ABCA3: variants seen among roughly 807,000 people sequenced by gnomAD.
ABCA3 encodes the protein phospholipid-transporting ATPase ABCA3.
ABCA3 carries 88 observed loss-of-function variants against 172.8 expected under a neutral mutation model. The observed-to-expected ratio is 0.51, with a 90% CI of 0.43 to 0.61. The LOEUF (loss-of-function observed/expected upper bound fraction) is 0.61. ABCA3 is among the 20% of genes least tolerant of loss of function. The pLI is 0.00. For missense variants in ABCA3, 2,164 were observed against 2,301.0 expected (o/e 0.94, Z 1.22); for synonymous variants, 1,066 against 983.8 (o/e 1.08, Z -1.56).
At position 2,279,725 on chromosome 16, in the gene ABCA3, G is replaced by A. The variant is rs1420867758; in HGVS notation, c.4360-595C>T. On this transcript the variant is annotated intron_variant, in intron 28 of 32. Transcript: ENST00000301732. The surrounding 1 kb of genome is among the most constrained non-coding windows in gnomAD (Gnocchi z 4.4). Reference sequence around the variant, plus strand: ...TTTTTCTTTACCTTCCTTCTTTGGGGTTCTCAAGCTTCCAGAATTTTTTTT... The same window carrying A: ...TTTTTCTTTACCTTCCTTCTTTGGGATTCTCAAGCTTCCAGAATTTTTTTT... 6.6e-6 allele frequency among the ~76,000 whole-genome samples: 1 copy of A among 151,650 alleles called. No homozygotes were observed. Among genetic ancestry groups the A allele is most frequent in the Non-Finnish European group, 1.5e-5 (1 of 67,944 alleles).
chr16:2,289,399 T>TC, intron 20 of ABCA3, 35 bp downstream of exon 20: 210 of 1,544,148 alleles, frequency 1.4e-4, no homozygotes, highest in Middle Eastern at 2.1e-4. Context: ...TGCTCGCCCT[T>TC]CCCCCGCCAC....
rs142333925 is a variant in ABCA3, at chr16:2,306,969, T to C, written c.1285+1481A>G. Reference sequence around the variant, plus strand: ...GGCGGAGCTTGCAGTGAGCCGAGATTGCGCCACTGCCCTCCAGCCTGGGTG... The same window carrying C: ...GGCGGAGCTTGCAGTGAGCCGAGATCGCGCCACTGCCCTCCAGCCTGGGTG... On this transcript the variant is annotated intron_variant, in intron 11 of 32. Coordinates refer to ENST00000301732, the MANE Select transcript of ABCA3 (RefSeq NM_001089.3). 3.9e-3 allele frequency among the ~76,000 whole-genome samples: 527 copies of C among 136,718 alleles called. 4 individuals are homozygous for C. The highest frequency in any genetic ancestry group is 4.6e-3 in the Non-Finnish European group (301 of 65,830). 89.7% of individuals were successfully genotyped at this position (136,718 alleles called of 152,430 possible).
intron 6 of ABCA3, among the ~76,000 whole-genome samples, chr16:2,323,959 G>C (rs1402434728): frequency 6.6e-6 from 1 of 152,162 alleles, no homozygotes; most frequent in Non-Finnish European, 1.5e-5. Context: ...AGGATCCCTG[G>C]AGGGCCGCCA....
chr16:2,288,285 C>T lies in ABCA3; in HGVS notation c.2745G>A (p.Lys915=). ...TCCACTCGCGCCAGCTGTATGCGGC[C>T]TTCTTCAGGAACATGGCCCAGAATT... The part of the protein sequence containing the change: ...CQQFWAMFLK[K]AAYSWREWKM... Residue 915 remains lysine, a synonymous_variant, in exon 21 of 33, where the codon AAG becomes AAA. Transcript: ENST00000301732. The T allele has an allele frequency of 6.3e-7, 1 of 1,579,444 alleles. No individual in the cohort carries two copies. The highest frequency in any genetic ancestry group is 1.3e-5 in the African/African-American group (1 of 74,542).
chr16:2,316,812 A>C (rs1016854394), intron 10 of ABCA3, among the ~76,000 whole-genome samples: 4 of 152,204 alleles, frequency 2.6e-5, no homozygotes, highest in Non-Finnish European at 5.9e-5. Context: ...CAAGTGAAAC[A>C]TTAAAGGTAA....
chr16:2,324,514 C>G lies in ABCA3; in HGVS notation c.337G>C (p.Glu113Gln). 6.2e-7 allele frequency: 1 copy of G among 1,610,490 alleles called. No homozygotes were observed. The highest frequency in any genetic ancestry group is 8.5e-7 in the Non-Finnish European group (1 of 1,179,968). The change falls in exon 6 of 33, where the codon GAG becomes CAG. Residue 113 changes from glutamate to glutamine, a missense_variant. Around this residue, in one of 3 missense-constraint regions of ABCA3, gnomAD observed 1,343 missense variants for 1,369.6 expected, o/e 0.98. Coordinates refer to ENST00000301732, the MANE Select transcript of ABCA3 (RefSeq NM_001089.3). ...INMRVRGFPS[E>Q]KDFEDYIRYD... ...CTAATGTAGTCCTCAAAGTCCTTCT[C>G]GGAGGGAAAGCCGCGCACTGCAAAG...
In ABCA3 at chr16:2,299,413, G is replaced by A. The variant is rs1182133911; in HGVS notation, c.1731C>T (p.Ser577=). 5 of 1,613,648 alleles carry A rather than the reference G, an allele frequency of 3.1e-6. No individual in the cohort carries two copies. In the Admixed American group the frequency reaches 8.3e-5, roughly 27 times the overall value. Residue 577 remains serine (S), a synonymous_variant, in exon 14 of 33, where the codon TCC becomes TCT. Coordinates refer to ENST00000301732, the MANE Select transcript of ABCA3 (RefSeq NM_001089.3). ...GCGCCTGGCCCTCACCTGTGAGCAT[G>A]GAGAGGGTGGTGGTCTTCCCGGCAC... ...HNGAGKTTTL[S]MLTGLFPPTS... is the part of the protein sequence containing the mutation.
rs1426783392 is a variant in ABCA3, at chr16:2,299,995, G to A, written c.1611+10C>T. On this transcript the variant is annotated intron_variant, in intron 13 of 32. Coordinates refer to ENST00000301732, the MANE Select transcript of ABCA3 (RefSeq NM_001089.3). Reference sequence around the variant, plus strand: ...GCCCCGGCCCTCCCTGTCCCCACAGGAGGCGGCACCTTGGACAGGTGCTTG... The same window carrying A: ...GCCCCGGCCCTCCCTGTCCCCACAGAAGGCGGCACCTTGGACAGGTGCTTG... The A allele has an allele frequency of 5.6e-6, 9 of 1,612,494 alleles. No homozygotes were observed. The highest frequency in any genetic ancestry group is 4.0e-5 in the African/African-American group (3 of 74,842).
chr16:2,291,700 C>T (rs1314751872), intron 19 of ABCA3, among the ~76,000 whole-genome samples: 4 of 152,344 alleles, frequency 2.6e-5, no homozygotes, highest in South Asian at 2.1e-4. Flanking sequence ...GGCCACTGCC[C>T]GCCCCACCCC....
intron 1 of ABCA3, chr16:2,332,537 C>T (rs186570510): frequency 3.8e-6 from 4 of 1,041,740 alleles, no homozygotes; most frequent in African/African-American, 3.2e-5. Flanking sequence ...CCACCACCCT[C>T]CACACGGACA....
chr16:2,311,234 A>C (rs962810684), intron 10 of ABCA3, among the ~76,000 whole-genome samples: 1 of 152,082 alleles, frequency 6.6e-6, no homozygotes, highest in Non-Finnish European at 1.5e-5. Flanking sequence ...GGCCTCCCAA[A>C]GTGCTGGAAT....
chr16:2,308,861 C>T (rs913805176), intron 10 of ABCA3, among the ~76,000 whole-genome samples: 2 of 152,206 alleles, frequency 1.3e-5, no homozygotes, highest in African/African-American at 4.8e-5. Flanking sequence ...ACACCTCCAG[C>T]CCCTCCTCCA....
chr16:2,331,446 G>GC (rs1251186738), intron 1 of ABCA3, among the ~76,000 whole-genome samples: 5 of 152,180 alleles, frequency 3.3e-5, no homozygotes, highest in African/African-American at 9.7e-5. Context: ...TGATCCGCCC[G>GC]CCTCGGCCTC....
At chr16:2,309,381 C>T (rs1204170912) in intron 10 of ABCA3, among the ~76,000 whole-genome samples, 1 of 152,210 alleles carries the variant, frequency 6.6e-6, no homozygotes, top group Non-Finnish European at 1.5e-5. Context: ...GAAAATCCCT[C>T]CCCTCCCACG....
intron 1 of ABCA3, among the ~76,000 whole-genome samples, chr16:2,335,802 T>C (rs1472208804): frequency 6.6e-6 from 1 of 152,218 alleles, no homozygotes; most frequent in East Asian, 1.9e-4. Flanking sequence ...CTCAAGACCC[T>C]TAAATAGCGA....
At chr16:2,329,402 A>T (rs938029545) in intron 2 of ABCA3, among the ~76,000 whole-genome samples, 2 of 152,164 alleles carry the variant, frequency 1.3e-5, no homozygotes, top group Non-Finnish European at 2.9e-5. Context: ...TACACTCCAG[A>T]TGGGCGTGGG....
At position 2,287,992 on chromosome 16, in the gene ABCA3, G is replaced by A. The variant is rs313909; in HGVS notation, c.3004+34C>T. On this transcript the variant is annotated intron_variant, in intron 21 of 32. Coordinates refer to ENST00000301732, the MANE Select transcript of ABCA3 (RefSeq NM_001089.3). The surrounding 1 kb of genome is among the most constrained non-coding windows in gnomAD (Gnocchi z 4.1). ...AACTCTGGCTGCAGGACTGGCCCCC[G>A]ATGCCCCCGTCCCGCCCCCGGGATG... 652,342 of 1,594,848 alleles carry A rather than the reference G, an allele frequency of 0.41. 135,182 individuals carry two copies. The highest frequency in any genetic ancestry group is 0.5 in the African/African-American group (37,248 of 74,844).
chr16:2,325,694 C>A (rs908340520), intron 5 of ABCA3, among the ~76,000 whole-genome samples: 4 of 152,178 alleles, frequency 2.6e-5, no homozygotes, highest in Non-Finnish European at 4.4e-5. Context: ...GAGCCTGGGG[C>A]AACTGCAGGC....
At position 2,285,633 on chromosome 16, in the gene ABCA3, A is replaced by G. The variant is rs2093661855; in HGVS notation, c.3292T>C (p.Phe1098Leu). 4 of 1,552,716 alleles carry G rather than the reference A, an allele frequency of 2.6e-6. No individual in the cohort carries two copies. The highest frequency in any genetic ancestry group is 3.5e-6 in the Non-Finnish European group (4 of 1,147,656). ...AAGAGCAGGTTGAGGGCAATGTCGA[A>G]TCCCTTCCGGCCCCTGCGGGGGACA... The part of the protein sequence containing the change: ...KDQFNEGRKG[F>L]DIALNLLFAM... The change falls in exon 23 of 33, where the codon TTC becomes CTC. Residue 1098 changes from phenylalanine to leucine, a missense_variant. This residue lies in a region of ABCA3 where 795 missense variants were observed against 881.9 expected (regional missense o/e 0.90). Coordinates refer to ENST00000301732, the MANE Select transcript of ABCA3 (RefSeq NM_001089.3). This position sits in a 1 kb window ranked among gnomAD's most constrained non-coding sequence, Gnocchi z 4.7.
Sources: allele counts gnomAD v4.1 joint callset (sites outside exome capture counted in the v4.1 genomes callset), GRCh38; gene constraint gnomAD v4.1.1; regional missense constraint gnomAD v4.1.1; non-coding constraint Gnocchi (gnomAD v3.1); transcripts MANE v1.5; gene names NCBI Gene and HGNC (gene_info 2026-07-23, HGNC 2026-07-21).